The following TMC5 variants were observed in gnomAD, a reference collection of about 807,000 sequenced individuals.
TMC5 encodes the protein transmembrane channel-like protein 5.
TMC5 carries 86 observed loss-of-function variants against 110.5 expected under a neutral mutation model. The ratio of observed to expected loss-of-function variants is 0.78; its 90% CI spans 0.65 to 0.93. The LOEUF (loss-of-function observed/expected upper bound fraction) is 0.93. Ranked by LOEUF, TMC5 falls within the 40% of genes least tolerant of loss-of-function variation. TMC5 has a pLI of 0.00. For missense variants in TMC5, 1,144 were observed against 1,222.8 expected, an observed-to-expected ratio of 0.94 and a Z score of 0.96; for synonymous variants, 455 against 439.5, an observed-to-expected ratio of 1.04 and a Z score of -0.44.
intron 5 of TMC5, among the ~76,000 whole-genome samples, chr16:19,458,923 G>A (rs9936198): frequency 0.036 from 5,529 of 152,230 alleles, 127 homozygotes; most frequent in African/African-American, 0.057. Flanking sequence ...GCCACCCTCG[G>A]CACGGTATCG....
intron 20 of TMC5, among the ~76,000 whole-genome samples, chr16:19,496,282 C>T (rs981600663): frequency 2.8e-4 from 42 of 152,218 alleles, no homozygotes; most frequent in African/African-American, 9.9e-4. Flanking sequence ...TTCATTCTTA[C>T]CAAGAGAATA....
At chr16:19,454,996 GC>G (rs906858390) in intron 5 of TMC5, among the ~76,000 whole-genome samples, 1 of 151,820 alleles carries the variant, frequency 6.6e-6, no homozygotes, top group African/African-American at 2.4e-5. Context: ...AAATAGCTGG[GC>G]ATGGTGGTGC....
intron 5 of TMC5, among the ~76,000 whole-genome samples, chr16:19,453,455 G>T (rs1023490551): frequency 6.6e-6 from 1 of 152,072 alleles, no homozygotes; most frequent in Admixed American, 6.6e-5. Context: ...TGGGCATGGT[G>T]GTACATGCCT....
intron 9 of TMC5, among the ~76,000 whole-genome samples, chr16:19,468,264 C>CA (rs1406970115): frequency 6.6e-6 from 1 of 152,172 alleles, no homozygotes; most frequent in Non-Finnish European, 1.5e-5. Context: ...TGTTAGCCAT[C>CA]ATGCCCGGCC....
chr16:19,451,638 C>T (rs939435360), intron 5 of TMC5, among the ~76,000 whole-genome samples: 12 of 151,964 alleles, frequency 7.9e-5, no homozygotes, highest in Admixed American at 2.0e-4. Flanking sequence ...ACCAAGAAAG[C>T]GATCAATTTT....
intron 1 of TMC5, among the ~76,000 whole-genome samples, chr16:19,412,633 G>A (rs1966858717): frequency 6.6e-6 from 1 of 152,182 alleles, no homozygotes; most frequent in African/African-American, 2.4e-5. Context: ...CTCCCAAAGT[G>A]CTGGGATTAC....
At chr16:19,422,926 C>A (rs892191005) in intron 1 of TMC5, among the ~76,000 whole-genome samples, 1 of 152,026 alleles carries the variant, frequency 6.6e-6, no homozygotes, top group Non-Finnish European at 1.5e-5. Context: ...CCAGCCTGGG[C>A]CACAGAGCGA....
At position 19,463,313 on chromosome 16, in the gene TMC5, C is replaced by CCAT. The variant is rs1225369577; in HGVS notation, c.1184_1186dup (p.His395dup). 6.2e-7 allele frequency: 1 copy of CCAT among 1,614,024 alleles called. No homozygotes were observed. Among genetic ancestry groups the CCAT allele is most frequent in the Admixed American group, 1.7e-5 (1 of 60,004 alleles). ...TTGACAAAGAAAAAAGCAAACAGAC[C>CCAT]CATCGTATCCTTCAGCTCAATTGCT... On this transcript the variant is annotated inframe_insertion, in exon 7 of 22. Coordinates refer to ENST00000542583, the MANE Select transcript of TMC5 (RefSeq NM_001261841.2).
At chr16:19,472,282 G>A in intron 11 of TMC5, 39 bp downstream of exon 11, 1 of 1,607,018 alleles carries the variant, frequency 6.2e-7, no homozygotes, top group Non-Finnish European at 8.5e-7. Context: ...AGAACCAGGT[G>A]AAGGGATGAG....
At chr16:19,442,450 T>G (rs1237678525) in intron 3 of TMC5, among the ~76,000 whole-genome samples, 1 of 151,466 alleles carries the variant, frequency 6.6e-6, no homozygotes, top group Non-Finnish European at 1.5e-5. Flanking sequence ...TGCCTCAGCC[T>G]CCCAAGTAGC....
intron 2 of TMC5, among the ~76,000 whole-genome samples, chr16:19,435,403 G>A (rs1476774221): frequency 5.3e-5 from 8 of 151,944 alleles, no homozygotes; most frequent in Admixed American, 6.6e-5. Context: ...TCGGGAGGCT[G>A]AGGCAGAAGA....
At chr16:19,458,177 C>T (rs1397797662) in intron 5 of TMC5, among the ~76,000 whole-genome samples, 4 of 151,998 alleles carry the variant, frequency 2.6e-5, no homozygotes, top group African/African-American at 9.7e-5. Context: ...GCTCCTGAGG[C>T]CAATGGAGAT....
intron 5 of TMC5, among the ~76,000 whole-genome samples, chr16:19,457,425 C>T (rs1035302830): frequency 8.6e-5 from 13 of 151,796 alleles, no homozygotes; most frequent in African/African-American, 2.7e-4. Flanking sequence ...TATGGAAGGG[C>T]GGAAGGTTTT....
intron 2 of TMC5, among the ~76,000 whole-genome samples, chr16:19,432,616 T>C (rs1248208518): frequency 2.0e-5 from 3 of 152,252 alleles, no homozygotes; most frequent in African/African-American, 7.2e-5. Context: ...TCCTCCTCTC[T>C]CTTTCCCAAT....
At chr16:19,412,456 C>T (rs1966858044) in intron 1 of TMC5, among the ~76,000 whole-genome samples, 1 of 152,160 alleles carries the variant, frequency 6.6e-6, no homozygotes, top group East Asian at 1.9e-4. Context: ...ACCGCTGTCT[C>T]CCAGGTTCAA....
chr16:19,481,547 C>A, intron 15 of TMC5, 82 bp downstream of exon 15: 1 of 1,060,150 alleles, frequency 9.4e-7, no homozygotes, highest in Non-Finnish European at 1.5e-6. Flanking sequence ...GTCCCAGAAT[C>A]TGTTGTTTTT....
At chr16:19,496,287 A>G (rs1969051592) in intron 20 of TMC5, among the ~76,000 whole-genome samples, 1 of 152,256 alleles carries the variant, frequency 6.6e-6, no homozygotes, top group African/African-American at 2.4e-5. Context: ...TCTTACCAAG[A>G]GAATATAAAG....
chr16:19,423,509 C>T (rs1246847066), intron 1 of TMC5, among the ~76,000 whole-genome samples: 1 of 152,192 alleles, frequency 6.6e-6, no homozygotes, highest in Admixed American at 6.5e-5. Flanking sequence ...AAGTTCTACC[C>T]CCTGCATTTC....
upstream of TMC5, among the ~76,000 whole-genome samples, chr16:19,415,338 G>A (rs1385534497): frequency 6.6e-6 from 1 of 152,200 alleles, no homozygotes; most frequent in Non-Finnish European, 1.5e-5. Context: ...AACATTTAGA[G>A]CAGTGGTTCT....
Sources: gnomAD v4.1 joint callset for allele counts (sites outside exome capture counted in the v4.1 genomes callset) on GRCh38, gnomAD v4.1.1 for gene constraint, MANE v1.5 for transcripts, NCBI Gene and HGNC (gene_info 2026-07-23, HGNC 2026-07-21) for gene names.